The following UNC13C variants were observed in gnomAD, a reference collection of about 807,000 sequenced individuals.
UNC13C encodes the protein protein unc-13 homolog C.
UNC13C carries 174 observed loss-of-function variants against 245.4 expected under a neutral mutation model. The ratio of observed to expected loss-of-function variants is 0.71; its 90% CI spans 0.63 to 0.80. The LOEUF (loss-of-function observed/expected upper bound fraction) is 0.80, where lower values mean the gene tolerates loss of function less well. UNC13C is among the 30% of genes least tolerant of loss of function. UNC13C has a pLI of 0.00. For synonymous variants in UNC13C, 992 were observed against 895.1 expected (o/e 1.11, Z -1.93); for missense variants, 2,829 against 2,602.9 (o/e 1.09, Z -1.89).
intron 28 of UNC13C, among the ~76,000 whole-genome samples, chr15:54,551,788 C>G (rs1896745169): frequency 6.6e-6 from 1 of 151,554 alleles, no homozygotes; most frequent in South Asian, 2.1e-4. Context: ...ATTATCAGTC[C>G]ATTTAGTTAT....
At chr15:53,968,788 T>C in the UNC13C span, among the ~76,000 whole-genome samples, 1 of 152,186 alleles carries the variant, frequency 6.6e-6, no homozygotes, top group African/African-American at 2.4e-5. Flanking sequence ...GAGTCCAGTT[T>C]TTGTTTTCAT....
At chr15:54,533,854 A>G (rs1895869320) in intron 26 of UNC13C, among the ~76,000 whole-genome samples, 1 of 152,192 alleles carries the variant, frequency 6.6e-6, no homozygotes, top group Non-Finnish European at 1.5e-5. Flanking sequence ...AGCAACCAGA[A>G]ACATGATTTC....
chr15:53,866,452 G>A, the UNC13C span, among the ~76,000 whole-genome samples: 3 of 152,138 alleles, frequency 2.0e-5, no homozygotes, highest in African/African-American at 7.2e-5. Context: ...AGAATAAAGA[G>A]ATTTAACAAG....
At chr15:54,142,767 A>G (rs189576225) in intron 2 of UNC13C, among the ~76,000 whole-genome samples, 1 of 152,290 alleles carries the variant, frequency 6.6e-6, no homozygotes, top group Admixed American at 6.5e-5. Context: ...TCTTTTCTTA[A>G]TATAACACAT....
intron 19 of UNC13C, among the ~76,000 whole-genome samples, chr15:54,491,077 T>C (rs1893679646): frequency 6.6e-6 from 1 of 152,198 alleles, no homozygotes; most frequent in South Asian, 2.1e-4. Context: ...ATCAATGTGT[T>C]TATATTTATA....
At chr15:54,098,478 C>G (rs914527689) in intron 2 of UNC13C, among the ~76,000 whole-genome samples, 1 of 152,080 alleles carries the variant, frequency 6.6e-6, no homozygotes, top group Non-Finnish European at 1.5e-5. Context: ...TCCGGCCCCT[C>G]CATAGCTTCT....
chr15:53,875,823 G>A, the UNC13C span, among the ~76,000 whole-genome samples: 2 of 152,200 alleles, frequency 1.3e-5, no homozygotes, highest in African/African-American at 4.8e-5. Context: ...TCTGGGCCAT[G>A]CCTTGCATCT....
intron 25 of UNC13C, among the ~76,000 whole-genome samples, chr15:54,526,740 GAAAAAAAAA>G (rs1164016477): frequency 0.11 from 6,905 of 63,140 alleles, 309 homozygotes; most frequent in Admixed American, 0.25. Context: ...ACTCCGTCTA[GAAAAAAAAA>G]AAAAAAAAAA....
At chr15:54,329,372 A>G (rs1270837754) in intron 14 of UNC13C, among the ~76,000 whole-genome samples, 1 of 151,854 alleles carries the variant, frequency 6.6e-6, no homozygotes, top group African/African-American at 2.4e-5. Flanking sequence ...CAAACACTGG[A>G]TCTTATTCCT....
intron 19 of UNC13C, among the ~76,000 whole-genome samples, chr15:54,458,330 C>T (rs754767411): frequency 6.6e-6 from 1 of 151,922 alleles, no homozygotes. Flanking sequence ...GGGAATTTCC[C>T]ATGTGCTGAT....
At chr15:54,577,580 C>T (rs189909812) in intron 30 of UNC13C, among the ~76,000 whole-genome samples, 2 of 152,246 alleles carry the variant, frequency 1.3e-5, no homozygotes, top group East Asian at 3.9e-4. Flanking sequence ...CTCCAGGCTC[C>T]CTCTGGACAA....
intron 19 of UNC13C, among the ~76,000 whole-genome samples, chr15:54,418,805 A>G (rs1410794151): frequency 1.3e-5 from 2 of 152,150 alleles, no homozygotes; most frequent in Non-Finnish European, 2.9e-5. Flanking sequence ...TATCTCAGAA[A>G]TTTAGGAGAT....
intron 17 of UNC13C, among the ~76,000 whole-genome samples, chr15:54,367,980 G>A (rs1216273701): frequency 6.6e-6 from 1 of 152,064 alleles, no homozygotes; most frequent in Non-Finnish European, 1.5e-5. Context: ...AACAAATGGC[G>A]ACGTTCATAT....
At chr15:54,006,998 T>A (rs764092299) in intron 1 of UNC13C, among the ~76,000 whole-genome samples, 1 of 152,244 alleles carries the variant, frequency 6.6e-6, no homozygotes, top group Non-Finnish European at 1.5e-5. Flanking sequence ...TCCTACCTGA[T>A]GGGAAGCTTC....
At chr15:54,605,867 A>G (rs1336841386) in intron 30 of UNC13C, among the ~76,000 whole-genome samples, 1 of 152,234 alleles carries the variant, frequency 6.6e-6, no homozygotes, top group East Asian at 1.9e-4. Context: ...ATTCATGGAC[A>G]TTAGGCCAGT....
At chr15:53,898,778 A>G in the UNC13C span, among the ~76,000 whole-genome samples, 2 of 152,218 alleles carry the variant, frequency 1.3e-5, no homozygotes, top group East Asian at 1.9e-4. Flanking sequence ...TCCAATTTTA[A>G]AAAAATATAA....
chr15:53,988,389 T>A (rs1034325938), intron 1 of UNC13C, among the ~76,000 whole-genome samples: 4 of 151,926 alleles, frequency 2.6e-5, no homozygotes, highest in Admixed American at 2.6e-4. Flanking sequence ...AAAATGCTTA[T>A]GGGACATAAA....
At chr15:54,296,379 T>A (rs1008379256) in intron 11 of UNC13C, among the ~76,000 whole-genome samples, 44 of 96,784 alleles carry the variant, frequency 4.5e-4, no homozygotes, top group Non-Finnish European at 7.0e-4. Context: ...TTTTTTTTTT[T>A]TTTATTTTTT....
the UNC13C span, among the ~76,000 whole-genome samples, chr15:53,839,143 G>A: frequency 2.0e-5 from 3 of 151,872 alleles, no homozygotes; most frequent in Non-Finnish European, 4.4e-5. Context: ...ATATGGGCAG[G>A]TGTGTGTGTG....
Sources: allele counts gnomAD v4.1 joint callset (sites outside exome capture counted in the v4.1 genomes callset), GRCh38; gene constraint gnomAD v4.1.1; transcripts MANE v1.5; gene names NCBI Gene and HGNC (gene_info 2026-07-23, HGNC 2026-07-21).